The following PLEKHM3 variants were observed in gnomAD, a reference collection of about 807,000 sequenced individuals.
PLEKHM3 encodes the protein pleckstrin homology domain-containing family M member 3.
A neutral mutation model predicts 81.8 loss-of-function variants in PLEKHM3; 45 were observed. The observed-to-expected ratio is 0.55, with a 90% CI of 0.43 to 0.71. The LOEUF is 0.71. Ranked by LOEUF, PLEKHM3 falls within the 30% of genes least tolerant of loss-of-function variation. PLEKHM3 has a pLI of 0.00. For synonymous variants in PLEKHM3, 352 were observed against 356.4 expected, an observed-to-expected ratio of 0.99 and a Z score of 0.14; for missense variants, 788 against 924.3, an observed-to-expected ratio of 0.85 and a Z score of 1.91.
At chr2:208,018,414 A>T (rs1390324480) in intron 1 of PLEKHM3, among the ~76,000 whole-genome samples, 1 of 151,666 alleles carries the variant, frequency 6.6e-6, no homozygotes, top group Admixed American at 6.6e-5. Flanking sequence ...AAAAAGAAAC[A>T]TACTACTCTC....
chr2:207,955,978 C>CG (rs1003595542), intron 3 of PLEKHM3, among the ~76,000 whole-genome samples: 56 of 139,376 alleles, frequency 4.0e-4, no homozygotes, highest in African/African-American at 1.5e-3. Flanking sequence ...AAGGCTGTGT[C>CG]GACACAGGGG....
intron 7 of PLEKHM3, among the ~76,000 whole-genome samples, chr2:207,857,353 G>A (rs1467832518): frequency 6.6e-6 from 1 of 152,082 alleles, no homozygotes; most frequent in African/African-American, 2.4e-5. Context: ...ATACAGTGGA[G>A]TTTGGCAATT....
rs115295244 is a variant in PLEKHM3, at chr2:207,925,437, T to C, written c.1886+5489A>G. Among the ~76,000 whole-genome samples, 996 of 152,340 alleles carry C rather than the reference T, an allele frequency of 6.5e-3. 4 individuals carry two copies. Among genetic ancestry groups the C allele is most frequent in the African/African-American group, 0.022 (916 of 41,586 alleles). ...TGGCTCCTCCTGAATTATGATCTGC[T>C]TAAAATAAAAGTTATAGCAGCTAAT... On this transcript the variant is annotated intron_variant, in intron 5 of 7. Coordinates refer to ENST00000427836, the MANE Select transcript of PLEKHM3 (RefSeq NM_001080475.3).
intron 7 of PLEKHM3, among the ~76,000 whole-genome samples, chr2:207,834,271 C>T (rs1295208504): frequency 1.3e-5 from 2 of 151,906 alleles, no homozygotes; most frequent in South Asian, 2.1e-4. Flanking sequence ...GCTGGGATTA[C>T]AGGCATGCAC....
At chr2:207,830,899 C>G (rs2105878905) in intron 7 of PLEKHM3, among the ~76,000 whole-genome samples, 1 of 152,306 alleles carries the variant, frequency 6.6e-6, no homozygotes, top group South Asian at 2.1e-4. Context: ...TTTCTGTTGT[C>G]TAAGCCACCC....
chr2:207,925,942 C>A (rs191082370), intron 5 of PLEKHM3, among the ~76,000 whole-genome samples: 3 of 151,884 alleles, frequency 2.0e-5, no homozygotes, highest in African/African-American at 7.3e-5. Context: ...AGATGAACTT[C>A]CTGACCGAGT....
At chr2:207,839,314 T>G (rs949306895) in intron 7 of PLEKHM3, among the ~76,000 whole-genome samples, 1 of 152,118 alleles carries the variant, frequency 6.6e-6, no homozygotes, top group African/African-American at 2.4e-5. Context: ...CACATTAATG[T>G]ACATTAACCT....
At chr2:208,005,221 T>C (rs543857181) in intron 1 of PLEKHM3, among the ~76,000 whole-genome samples, 1 of 152,360 alleles carries the variant, frequency 6.6e-6, no homozygotes, top group Admixed American at 6.5e-5. Context: ...CACATTAGTA[T>C]GATGCATTTG....
At chr2:207,924,915 C>T (rs1438175902) in intron 5 of PLEKHM3, among the ~76,000 whole-genome samples, 1 of 151,996 alleles carries the variant, frequency 6.6e-6, no homozygotes, top group Admixed American at 6.6e-5. Context: ...GGACAGAGTG[C>T]AGAGAAGGAC....
At chr2:207,897,041 A>G (rs1688247932) in intron 6 of PLEKHM3, among the ~76,000 whole-genome samples, 1 of 152,182 alleles carries the variant, frequency 6.6e-6, no homozygotes. Flanking sequence ...GCCTAGGGAG[A>G]GTTCCTTGGC....
chr2:207,845,750 CTATT>C (rs1291899088), intron 7 of PLEKHM3, among the ~76,000 whole-genome samples: 4 of 152,184 alleles, frequency 2.6e-5, no homozygotes, highest in African/African-American at 9.7e-5. Flanking sequence ...AGCAAACTCT[CTATT>C]CATTCATGAA....
chr2:207,945,907 A>G (rs937505727), intron 4 of PLEKHM3, among the ~76,000 whole-genome samples: 3 of 151,954 alleles, frequency 2.0e-5, no homozygotes, highest in African/African-American at 7.2e-5. Context: ...TCTAAAAAAA[A>G]AAAAGCCGAC....
At chr2:207,836,503 A>G (rs527866705) in intron 7 of PLEKHM3, among the ~76,000 whole-genome samples, 12 of 152,260 alleles carry the variant, frequency 7.9e-5, no homozygotes, top group Non-Finnish European at 1.8e-4. Context: ...AAACTAGGAA[A>G]ATGAACCTGC....
intron 6 of PLEKHM3, among the ~76,000 whole-genome samples, chr2:207,882,140 T>C (rs897292015): frequency 6.6e-6 from 1 of 152,184 alleles, no homozygotes; most frequent in Non-Finnish European, 1.5e-5. Context: ...CAAATGCCAG[T>C]AACATATTTT....
chr2:207,901,038 AC>A, intron 6 of PLEKHM3: 1 of 557,734 alleles, frequency 1.8e-6, no homozygotes, highest in South Asian at 2.4e-5. Flanking sequence ...ATCCAACTCC[AC>A]AGCTGCAGCC....
chr2:208,007,793 T>C (rs1331546858), intron 1 of PLEKHM3, among the ~76,000 whole-genome samples: 2 of 151,930 alleles, frequency 1.3e-5, no homozygotes, highest in Admixed American at 6.6e-5. Context: ...CAGTGGCTCA[T>C]GCCTGTAATC....
intron 5 of PLEKHM3, among the ~76,000 whole-genome samples, chr2:207,918,502 G>A (rs1689071698): frequency 1.3e-5 from 2 of 151,952 alleles, no homozygotes; most frequent in East Asian, 1.9e-4. Flanking sequence ...AGCCTGGGTG[G>A]CAAAGCAAGA....
chr2:207,895,447 G>A (rs768807758), intron 6 of PLEKHM3, among the ~76,000 whole-genome samples: 2 of 152,198 alleles, frequency 1.3e-5, no homozygotes, highest in Non-Finnish European at 2.9e-5. Flanking sequence ...TTTATTACCC[G>A]TGATTGCCTA....
At chr2:207,913,981 G>A (rs994820358) in intron 5 of PLEKHM3, among the ~76,000 whole-genome samples, 6 of 151,540 alleles carry the variant, frequency 4.0e-5, no homozygotes, top group Non-Finnish European at 5.9e-5. Flanking sequence ...GCGCACACGC[G>A]CACACACACA....
Sources: gnomAD v4.1 joint callset for allele counts (sites outside exome capture counted in the v4.1 genomes callset) on GRCh38, gnomAD v4.1.1 for gene constraint, MANE v1.5 for transcripts, NCBI Gene and HGNC (gene_info 2026-07-23, HGNC 2026-07-21) for gene names.